The following VAV3 variants were observed in gnomAD, a reference collection of about 807,000 sequenced individuals.
VAV3 encodes vav guanine nucleotide exchange factor 3, also known as guanine nucleotide exchange factor VAV3.
In VAV3, 94 loss-of-function variants were observed where a neutral mutation model predicts 131.2. The ratio of observed to expected loss-of-function variants is 0.72; its 90% CI spans 0.61 to 0.85. The LOEUF is 0.85. Among genes scored for constraint, VAV3 ranks in the 40% least tolerant of loss-of-function variants. VAV3 has a pLI of 0.00. For missense variants in VAV3, 939 were observed against 1,002.7 expected, an observed-to-expected ratio of 0.94 and a Z score of 0.86; for synonymous variants, 349 against 342.0, an observed-to-expected ratio of 1.02 and a Z score of -0.22.
At chr1:107,619,649 C>A (rs539489279) in intron 20 of VAV3, among the ~76,000 whole-genome samples, 2 of 151,970 alleles carry the variant, frequency 1.3e-5, no homozygotes, top group African/African-American at 4.8e-5. Context: ...GTCTATTTTG[C>A]GAGGAAAGGC....
At chr1:107,753,549 T>TACACACACAC (rs1553201322) in intron 12 of VAV3, among the ~76,000 whole-genome samples, 4,553 of 80,624 alleles carry the variant, frequency 0.056, 284 homozygotes, top group Middle Eastern at 0.14. Context: ...TATATATATA[T>TACACACACAC]ACACACACAC....
At chr1:107,938,595 G>A (rs146968047) in intron 1 of VAV3, among the ~76,000 whole-genome samples, 6 of 152,310 alleles carry the variant, frequency 3.9e-5, no homozygotes, top group Non-Finnish European at 7.4e-5. Flanking sequence ...GTGCCCAGTG[G>A]ATGACTTGGT....
intron 15 of VAV3, among the ~76,000 whole-genome samples, chr1:107,705,410 G>A (rs572024384): frequency 1.3e-5 from 2 of 151,004 alleles, no homozygotes; most frequent in African/African-American, 4.9e-5. Flanking sequence ...TTCCTTGTCT[G>A]TAGCCACGCC....
chr1:107,709,767 T>C (rs1660667024), intron 15 of VAV3, among the ~76,000 whole-genome samples: 2 of 152,196 alleles, frequency 1.3e-5, no homozygotes, highest in Admixed American at 6.5e-5. Context: ...TTCTTCTCCT[T>C]CCTGCTGCCA....
intron 19 of VAV3, among the ~76,000 whole-genome samples, chr1:107,652,853 T>A (rs1283110772): frequency 6.6e-6 from 1 of 152,124 alleles, no homozygotes; most frequent in Non-Finnish European, 1.5e-5. Flanking sequence ...AAATTGTTTT[T>A]GACATGTAAA....
chr1:107,620,589 T>C (rs997495916), intron 20 of VAV3, among the ~76,000 whole-genome samples: 3 of 152,172 alleles, frequency 2.0e-5, no homozygotes, highest in Non-Finnish European at 4.4e-5. Context: ...AAGTAACTCA[T>C]GACTATATGT....
chr1:107,700,355 T>C (rs1660027595), intron 17 of VAV3, among the ~76,000 whole-genome samples: 3 of 152,210 alleles, frequency 2.0e-5, no homozygotes, highest in Admixed American at 2.0e-4. Context: ...GTTTGTTACA[T>C]AGGTAAACGC....
chr1:107,784,864 A>G (rs1357796212), intron 2 of VAV3, among the ~76,000 whole-genome samples: 1 of 152,254 alleles, frequency 6.6e-6, no homozygotes, highest in Non-Finnish European at 1.5e-5. Flanking sequence ...GTGGAGAATG[A>G]ATAGTTGAAG....
At chr1:107,945,053 A>G (rs1225949963) in intron 1 of VAV3, among the ~76,000 whole-genome samples, 1 of 152,226 alleles carries the variant, frequency 6.6e-6, no homozygotes, top group Non-Finnish European at 1.5e-5. Context: ...GTTCAGCTTC[A>G]TCATTAAATC....
intron 1 of VAV3, among the ~76,000 whole-genome samples, chr1:107,899,646 G>A (rs779848436): frequency 3.3e-5 from 5 of 152,190 alleles, no homozygotes; most frequent in Non-Finnish European, 7.3e-5. Context: ...AAGGCTGAGT[G>A]AAGTCCTTTG....
chr1:107,915,637 C>T lies in VAV3; in HGVS notation c.205-40620G>A, dbSNP rs552324389. On this transcript the variant is annotated intron_variant, in intron 1 of 26. Transcript: ENST00000370056. ...ATATATAAATGTCAGTTAAATAAGG[C>T]AAATTTAGCACATTTTGCTAGTTGA... Among the ~76,000 whole-genome samples the T allele has an allele frequency of 4.9e-4, 75 of 152,122 alleles. 1 individual carries two copies. Among genetic ancestry groups the T allele is most frequent in the Non-Finnish European group, 1.2e-4 (8 of 68,034 alleles).
chr1:107,809,607 G>GA (rs11426643), intron 2 of VAV3, among the ~76,000 whole-genome samples: 22,978 of 152,090 alleles, frequency 0.15, 2,007 homozygotes, highest in East Asian at 0.29. Context: ...GAAAGGACCA[G>GA]AAAATATATT....
Position 107,618,876 on chromosome 1 carries a change from C to A in VAV3, c.1915-1244G>T, listed in dbSNP as rs116973853. Among the ~76,000 whole-genome samples, 52 of 152,282 alleles carry A rather than the reference C, an allele frequency of 3.4e-4. 1 individual carries two copies. In the East Asian group the frequency reaches 9.6e-3, roughly 28 times the overall value. On this transcript the variant is annotated intron_variant, in intron 20 of 26. Transcript: ENST00000370056. ...ACAATTTGACAGTGATAGCTGAATT[C>A]TGTCATTGGTGATGGCATTTCTTTA... is the stretch of plus-strand genomic sequence containing the variant.
At chr1:107,811,901 G>A (rs189980647) in intron 2 of VAV3, among the ~76,000 whole-genome samples, 175 of 146,626 alleles carry the variant, frequency 1.2e-3, no homozygotes, top group African/African-American at 4.2e-3. Context: ...AAATAATATG[G>A]CCTGAGATTT....
intron 2 of VAV3, among the ~76,000 whole-genome samples, chr1:107,809,735 C>T (rs1343865365): frequency 6.6e-6 from 1 of 152,104 alleles, no homozygotes; most frequent in African/African-American, 2.4e-5. Flanking sequence ...TAGGCAAATC[C>T]CATTTTATTC....
At chr1:107,683,680 T>G (rs1432174323) in intron 18 of VAV3, 147 bp from the exon 19 acceptor site, 8 of 790,602 alleles carry the variant, frequency 1.0e-5, no homozygotes, top group Non-Finnish European at 1.7e-5. Context: ...AGAATATGGT[T>G]TTAAAGTTTG....
intron 17 of VAV3, among the ~76,000 whole-genome samples, chr1:107,701,596 G>C (rs555260843): frequency 6.6e-6 from 1 of 152,310 alleles, no homozygotes; most frequent in South Asian, 2.1e-4. Flanking sequence ...CAGCAAGCTT[G>C]AAATTCTCCC....
chr1:107,797,010 T>C (rs1557853221), intron 2 of VAV3, among the ~76,000 whole-genome samples: 1 of 152,206 alleles, frequency 6.6e-6, no homozygotes, highest in Non-Finnish European at 1.5e-5. Flanking sequence ...ATAATAACTA[T>C]ATGACTTCAA....
chr1:107,759,192 A>G (rs962856301), intron 10 of VAV3, among the ~76,000 whole-genome samples: 7 of 152,314 alleles, frequency 4.6e-5, no homozygotes, highest in African/African-American at 1.4e-4. Flanking sequence ...GCCTAATACT[A>G]TGTTTGGCAC....
Sources: gnomAD v4.1 joint callset for allele counts (sites outside exome capture counted in the v4.1 genomes callset) on GRCh38, gnomAD v4.1.1 for gene constraint, MANE v1.5 for transcripts, NCBI Gene and HGNC (gene_info 2026-07-23, HGNC 2026-07-21) for gene names.